Variants in TRIM51G observed in about 807,000 individuals in gnomAD.
TRIM51G encodes tripartite motif-containing protein 51G.
At chr11:48,979,660 T>G in the TRIM51G span, among the ~76,000 whole-genome samples, 2 of 152,178 alleles carry the variant, frequency 1.3e-5, no homozygotes, top group South Asian at 4.1e-4. Flanking sequence ...CATGCTGTTT[T>G]CTATAACTAG....
At chr11:48,981,394 T>C in the TRIM51G span, 1 of 1,607,756 alleles carries the variant, frequency 6.2e-7, no homozygotes, top group Non-Finnish European at 8.5e-7. Context: ...ACAGAACATC[T>C]CCTTTGTCTC....
the TRIM51G span, among the ~76,000 whole-genome samples, chr11:48,976,198 A>G: frequency 1.3e-5 from 2 of 152,128 alleles, no homozygotes; most frequent in Admixed American, 6.6e-5. Context: ...CTAAAAACAG[A>G]CATTGAAAAT....
chr11:48,977,194 AAGAT>A, the TRIM51G span: 61 of 1,166,298 alleles, frequency 5.2e-5, 1 homozygote, highest in Admixed American at 1.0e-3. Flanking sequence ...TGCAAGGAGA[AAGAT>A]AGAGTTACCA....
chr11:48,981,450 G>A, the TRIM51G span: 5 of 1,607,644 alleles, frequency 3.1e-6, no homozygotes, highest in Admixed American at 1.7e-5. Flanking sequence ...GGAATTGCCG[G>A]AGGCTGGCTT....
chr11:48,981,228 G>C, the TRIM51G span: 5 of 1,594,608 alleles, frequency 3.1e-6, no homozygotes, highest in South Asian at 1.1e-5. Flanking sequence ...AAGGAAATAG[G>C]CTGACAAGAA....
At chr11:48,975,624 T>G in the TRIM51G span, 1 of 1,403,768 alleles carries the variant, frequency 7.1e-7, no homozygotes, top group Non-Finnish European at 1.0e-6. Context: ...AATCCAGGAA[T>G]AATCCTACTG....
At chr11:48,981,517 C>T in the TRIM51G span, 36 of 1,604,778 alleles carry the variant, frequency 2.2e-5, no homozygotes, top group African/African-American at 9.4e-5. Flanking sequence ...GTTTCTCTGC[C>T]GTGTTGTCTT....
chr11:48,983,565 T>C, the TRIM51G span, among the ~76,000 whole-genome samples: 10 of 151,656 alleles, frequency 6.6e-5, no homozygotes, highest in African/African-American at 2.2e-4. Flanking sequence ...TTAAAAACTT[T>C]TGGAACACAC....
At chr11:48,978,896 A>T in the TRIM51G span, 19 of 1,523,190 alleles carry the variant, frequency 1.2e-5, no homozygotes, top group Non-Finnish European at 1.7e-5. Flanking sequence ...CAACTGCTTT[A>T]TGGCACATTT....
chr11:48,980,483 C>T, the TRIM51G span, among the ~76,000 whole-genome samples: 1 of 152,124 alleles, frequency 6.6e-6, no homozygotes, highest in Non-Finnish European at 1.5e-5. Context: ...GCTCCTTCTG[C>T]CTGAAATGTA....
At chr11:48,981,578 A>G in the TRIM51G span, 31 of 1,601,494 alleles carry the variant, frequency 1.9e-5, no homozygotes, top group Non-Finnish European at 2.5e-5. Context: ...CAGTTGAGGT[A>G]GAAACAGGGC....
the TRIM51G span, chr11:48,975,598 A>G: frequency 7.2e-7 from 1 of 1,382,860 alleles, no homozygotes; most frequent in African/African-American, 1.4e-5. Flanking sequence ...AACAAAGCTC[A>G]CGGTCCTACC....
At chr11:48,979,222 T>C in the TRIM51G span, 1 of 553,988 alleles carries the variant, frequency 1.8e-6, no homozygotes, top group Non-Finnish European at 3.4e-6. Context: ...ATTCTCAGAT[T>C]CCACAAAATT....
the TRIM51G span, among the ~76,000 whole-genome samples, chr11:48,976,842 C>T: frequency 3.9e-5 from 6 of 152,202 alleles, no homozygotes; most frequent in East Asian, 5.8e-4. Context: ...TATGTCATTA[C>T]ATTTACCCAA....
chr11:48,979,232 T>A, the TRIM51G span: 1 of 541,290 alleles, frequency 1.8e-6, no homozygotes, highest in East Asian at 4.2e-5. Flanking sequence ...TCCACAAAAT[T>A]TTATTCCTTT....
At chr11:48,975,562 T>C in the TRIM51G span, 18 of 1,378,222 alleles carry the variant, frequency 1.3e-5, no homozygotes, top group African/African-American at 2.1e-4. Flanking sequence ...AGGGATGGTG[T>C]ATATCAGGGA....
the TRIM51G span, among the ~76,000 whole-genome samples, chr11:48,982,956 C>CGTGTGT: frequency 3.0e-5 from 1 of 33,050 alleles, no homozygotes; most frequent in East Asian, 2.7e-3. Flanking sequence ...GGTATATATA[C>CGTGTGT]ATATATATAT....
At chr11:48,978,835 A>G in the TRIM51G span, 1 of 934,650 alleles carries the variant, frequency 1.1e-6, no homozygotes, top group Admixed American at 1.7e-5. Flanking sequence ...ATCCACTTGA[A>G]TCTTCAACAT....
the TRIM51G span, chr11:48,979,012 T>G: frequency 8.0e-7 from 1 of 1,257,810 alleles, no homozygotes; most frequent in East Asian, 2.3e-5. Context: ...TTTTGCAGCC[T>G]CTCCAAGTGA....
Sources: gnomAD v4.1 joint callset for allele counts (sites outside exome capture counted in the v4.1 genomes callset) on GRCh38, gnomAD v4.1.1 for gene constraint, MANE v1.5 for transcripts, NCBI Gene and HGNC (gene_info 2026-07-23, HGNC 2026-07-21) for gene names.